ZC3H12B: variants seen among roughly 807,000 people sequenced by gnomAD.
ZC3H12B encodes probable ribonuclease ZC3H12B.
In ZC3H12B, 7 loss-of-function variants were observed where a neutral mutation model predicts 43.9. That is an observed-to-expected ratio of 0.16 (90% CI 0.09 to 0.30). ZC3H12B has a LOEUF of 0.30. Ranked by LOEUF, ZC3H12B falls within the 10% of genes least tolerant of loss-of-function variation. ZC3H12B has a pLI of 1.00. For synonymous variants in ZC3H12B, 222 were observed against 241.7 expected (o/e 0.92, Z 0.76); for missense variants, 475 against 670.2 (o/e 0.71, Z 3.22).
At chrX:65,467,580 C>T (rs1157003332) in intron 3 of ZC3H12B, among the ~76,000 whole-genome samples, 2 of 112,170 alleles carry the variant, frequency 1.8e-5, no homozygotes, top group Non-Finnish European at 3.8e-5. Flanking sequence ...AGCATATAAG[C>T]ATTCTCTTTC....
chrX:65,116,565 T>A, the ZC3H12B span, among the ~76,000 whole-genome samples: 1 of 110,916 alleles, frequency 9.0e-6, no homozygotes. Context: ...TTTAGGATTT[T>A]TTTTCTTTTT....
chrX:65,052,654 G>T, the ZC3H12B span, among the ~76,000 whole-genome samples: 1 of 110,805 alleles, frequency 9.0e-6, no homozygotes, highest in Non-Finnish European at 1.9e-5. Context: ...GTGTATATAT[G>T]CCCCATTTTC....
intron 3 of ZC3H12B, among the ~76,000 whole-genome samples, chrX:65,437,412 C>A (rs1234919887): frequency 8.9e-6 from 1 of 112,182 alleles, no homozygotes; most frequent in Non-Finnish European, 1.9e-5. Flanking sequence ...ATTTGTCTTT[C>A]TATGCCTGGC....
intron 2 of ZC3H12B, among the ~76,000 whole-genome samples, chrX:65,372,676 A>C (rs892605466): frequency 8.9e-6 from 1 of 111,882 alleles, no homozygotes; most frequent in Non-Finnish European, 1.9e-5. Context: ...GAAAACTTTC[A>C]ATTTTCTTAT....
chrX:65,272,637 T>A, the ZC3H12B span: 1 of 111,968 alleles, frequency 8.9e-6, no homozygotes, highest in South Asian at 3.7e-4. Flanking sequence ...ATGCCCTCTG[T>A]TTTATTTCCT....
At chrX:65,100,390 A>T in the ZC3H12B span, among the ~76,000 whole-genome samples, 22 of 107,645 alleles carry the variant, frequency 2.0e-4, no homozygotes, top group Admixed American at 1.9e-3. Flanking sequence ...AGAAGACACC[A>T]CTAAGATACT....
At chrX:65,403,397 G>C (rs1319418029) in intron 3 of ZC3H12B, among the ~76,000 whole-genome samples, 3 of 110,849 alleles carry the variant, frequency 2.7e-5, no homozygotes, top group Non-Finnish European at 5.7e-5. Context: ...AAGAGATAGG[G>C]GTACAAAGTT....
chrX:65,472,396 T>TTTTG (rs910989165), intron 3 of ZC3H12B, among the ~76,000 whole-genome samples: 2 of 89,710 alleles, frequency 2.2e-5, no homozygotes, highest in Non-Finnish European at 1.9e-5. Flanking sequence ...TTTTTGTTTT[T>TTTTG]TTTGTTTGTT....
chrX:65,383,719 A>G (rs1193509611), intron 2 of ZC3H12B, among the ~76,000 whole-genome samples: 1 of 111,418 alleles, frequency 9.0e-6, no homozygotes, highest in Non-Finnish European at 1.9e-5. Flanking sequence ...CAAAGGGCTA[A>G]TATCCAGAAT....
chrX:65,473,671 C>T (rs1327589310), intron 3 of ZC3H12B, among the ~76,000 whole-genome samples: 1 of 112,220 alleles, frequency 8.9e-6, no homozygotes, highest in Non-Finnish European at 1.9e-5. Flanking sequence ...GATGCCTCTT[C>T]TTTCTTTCTG....
chrX:65,325,296 G>T, the ZC3H12B span, among the ~76,000 whole-genome samples: 1 of 111,367 alleles, frequency 9.0e-6, no homozygotes, highest in Admixed American at 9.6e-5. Context: ...AAATGAGAAA[G>T]AAAGATGTAA....
At chrX:65,307,460 C>T in the ZC3H12B span, among the ~76,000 whole-genome samples, 1 of 111,480 alleles carries the variant, frequency 9.0e-6, no homozygotes, top group Non-Finnish European at 1.9e-5. Flanking sequence ...GGAAAAGGAA[C>T]CTAATGGGAC....
chrX:65,315,925 A>G, the ZC3H12B span, among the ~76,000 whole-genome samples: 1 of 111,938 alleles, frequency 8.9e-6, no homozygotes, highest in Non-Finnish European at 1.9e-5. Context: ...AAGGAGTAAA[A>G]TAAGATCATA....
At chrX:65,381,316 A>ACTACAT (rs1457102627) in intron 2 of ZC3H12B, among the ~76,000 whole-genome samples, 1 of 111,930 alleles carries the variant, frequency 8.9e-6, no homozygotes, top group Non-Finnish European at 1.9e-5. Context: ...AAACCGCTCA[A>ACTACAT]CTACATGGAA....
the ZC3H12B span, among the ~76,000 whole-genome samples, chrX:65,106,999 C>T: frequency 1.2e-4 from 13 of 111,161 alleles, no homozygotes; most frequent in East Asian, 3.7e-3. Flanking sequence ...AAGATATTCA[C>T]GTGGAGATGG....
the ZC3H12B span, among the ~76,000 whole-genome samples, chrX:65,070,816 GTTTTTT>G: frequency 1.8e-5 from 1 of 56,054 alleles, no homozygotes; most frequent in Non-Finnish European, 3.4e-5. Context: ...TATGATTTCT[GTTTTTT>G]TTTTTTTTTT....
At position 65,477,416 on chromosome X, in the gene ZC3H12B, A is replaced by C. The variant is rs2068008498; in HGVS notation, n.408-11230A>C. ...ACACACAACAGGAGTTGTGTGAAGA[A>C]GAGGAAAAATAAAAAACAGGAAAAA... On this transcript the variant is annotated intron_variant and non_coding_transcript_variant, in intron 3 of 5. Transcript: ENST00000617377. 2.7e-5 allele frequency among the ~76,000 whole-genome samples: 3 copies of C among 111,513 alleles called. No homozygotes were observed. In the Admixed American group the frequency reaches 2.9e-4, roughly 11 times the overall value.
the ZC3H12B span, among the ~76,000 whole-genome samples, chrX:65,182,082 A>G: frequency 2.7e-5 from 3 of 111,771 alleles, no homozygotes; most frequent in Non-Finnish European, 5.6e-5. Context: ...ATCAAAAAGA[A>G]TGAGTTCATG....
the ZC3H12B span, among the ~76,000 whole-genome samples, chrX:65,053,049 C>T: frequency 9.0e-6 from 1 of 111,272 alleles, no homozygotes; most frequent in Admixed American, 9.5e-5. Context: ...AGATCCTTTT[C>T]ACCATTTAGA....
Sources: allele counts gnomAD v4.1 joint callset (sites outside exome capture counted in the v4.1 genomes callset), GRCh38; gene constraint gnomAD v4.1.1; transcripts MANE v1.5; gene names NCBI Gene and HGNC (gene_info 2026-07-23, HGNC 2026-07-21).